Variants in PCDHGA8 observed in about 807,000 individuals in gnomAD.
PCDHGA8 encodes the protein protocadherin gamma-A8.
PCDHGA8 carries 45 observed loss-of-function variants against 59.2 expected under a neutral mutation model. The ratio of observed to expected loss-of-function variants is 0.76; its 90% CI spans 0.60 to 0.98. PCDHGA8 has a LOEUF of 0.98. PCDHGA8 is among the 50% of genes least tolerant of loss of function. The pLI is 0.00. For synonymous variants in PCDHGA8, 531 were observed against 519.0 expected (o/e 1.02, Z -0.32); for missense variants, 1,257 against 1,196.2 (o/e 1.05, Z -0.75).
At chr5:141,399,862 G>T in intron 1 of PCDHGA8, 1 of 1,612,900 alleles carries the variant, frequency 6.2e-7, no homozygotes, top group South Asian at 1.1e-5. Flanking sequence ...GCGCGCTGCA[G>T]AGCCCGGCTA....
intron 1 of PCDHGA8, chr5:141,429,251 A>C (rs2097199889): frequency 6.6e-6 from 1 of 151,884 alleles, no homozygotes; most frequent in Non-Finnish European, 1.5e-5. Context: ...GAGATATTTT[A>C]ATTGAGGAAT....
chr5:141,397,375 T>C (rs2093516481), intron 1 of PCDHGA8, among the ~76,000 whole-genome samples: 1 of 152,174 alleles, frequency 6.6e-6, no homozygotes, highest in South Asian at 2.1e-4. Context: ...TGTTTGGGGA[T>C]TGGTATAAAA....
rs369651266 is a variant in PCDHGA8 at position 141,394,617 on chromosome 5, G to T, written c.1804G>T (p.Ala602Ser). ...VAVDRDSGQNAWLSYRLLKAS... is the reference protein window; with the variant it reads ...VAVDRDSGQNSWLSYRLLKAS... ...GGTGGACAGAGACTCGGGCCAGAAC[G>T]CCTGGCTGTCCTACCGCCTGCTCAA... Residue 602 changes from alanine (A) to serine (S), a missense_variant, in exon 1 of 4, where the codon GCC becomes TCC. Ala to Ser is a moderately conservative substitution (Grantham distance 99, BLOSUM62 1). Coordinates refer to ENST00000398604, the MANE Select transcript of PCDHGA8 (RefSeq NM_032088.2). The T allele has an allele frequency of 8.1e-6, 13 of 1,613,372 alleles. No individual in the cohort carries two copies. The highest frequency in any genetic ancestry group is 1.1e-5 in the Non-Finnish European group (13 of 1,180,002).
intron 3 of PCDHGA8, among the ~76,000 whole-genome samples, chr5:141,508,624 G>A (rs552418899): frequency 3.3e-5 from 5 of 152,256 alleles, no homozygotes; most frequent in African/African-American, 9.6e-5. Context: ...TGGGTGGGCC[G>A]AGCTTCTAGC....
intron 1 of PCDHGA8, 124 bp from the exon 2 acceptor site, chr5:141,494,683 C>G: frequency 6.4e-7 from 1 of 1,569,074 alleles, no homozygotes; most frequent in Non-Finnish European, 8.7e-7. Context: ...CCCCTGCCCC[C>G]TCTTAGTCCG....
chr5:141,511,007 G>A lies in PCDHGA8; in HGVS notation c.2633G>A (p.Arg878His), dbSNP rs780918754. The change falls in exon 4 of 4, where the codon CGC becomes CAC. Residue 878 changes from arginine to histidine, a missense_variant. Physicochemically the swap from Arg to His is conservative, Grantham distance 29 (BLOSUM62 0). Transcript: ENST00000398604. ...GCCGGCACCATGGGATTGAGCGCCC[G>A]CTACGGACCCCAGTTCACCCTGCAG... is the stretch of plus-strand genomic sequence containing the variant. ...GGAGTMGLSA[R>H]YGPQFTLQHV... 1.9e-6 allele frequency: 3 copies of A among 1,614,158 alleles called. No individual in the cohort carries two copies. Among genetic ancestry groups the A allele is most frequent in the East Asian group, 4.5e-5 (2 of 44,890 alleles).
chr5:141,503,616 A>G (rs1260134621), intron 2 of PCDHGA8, among the ~76,000 whole-genome samples: 2 of 150,944 alleles, frequency 1.3e-5, no homozygotes, highest in African/African-American at 2.4e-5. Context: ...AAAAAAAAAG[A>G]AAAAAGAAAA....
At chr5:141,400,904 T>C (rs958521699) in intron 1 of PCDHGA8, among the ~76,000 whole-genome samples, 14 of 152,250 alleles carry the variant, frequency 9.2e-5, no homozygotes, top group African/African-American at 3.4e-4. Context: ...TAATTCATCT[T>C]TTAAAGCAAA....
At chr5:141,423,341 TC>T (rs767448191) in intron 1 of PCDHGA8, 181 of 1,614,176 alleles carry the variant, frequency 1.1e-4, no homozygotes, top group Admixed American at 2.7e-4. Context: ...TCCTGCATCT[TC>T]CTGGTCTTTG....
intron 1 of PCDHGA8, chr5:141,408,402 G>A: frequency 1.2e-6 from 2 of 1,614,052 alleles, no homozygotes; most frequent in Non-Finnish European, 1.7e-6. Context: ...CGCAAGCTGC[G>A]AGTGAGCGCG....
chr5:141,465,348 A>G (rs886810999), intron 1 of PCDHGA8, among the ~76,000 whole-genome samples: 2 of 152,158 alleles, frequency 1.3e-5, no homozygotes, highest in African/African-American at 4.8e-5. Flanking sequence ...GTTACTGAAG[A>G]AAAAATGGGT....
chr5:141,502,446 C>T (rs541278139), intron 2 of PCDHGA8, among the ~76,000 whole-genome samples: 1 of 152,098 alleles, frequency 6.6e-6, no homozygotes, highest in South Asian at 2.1e-4. Context: ...ATTCAGATTA[C>T]ACACCTTGGT....
chr5:141,424,692 T>C (rs910540428), intron 1 of PCDHGA8: 2 of 152,004 alleles, frequency 1.3e-5, no homozygotes, highest in African/African-American at 4.8e-5. Context: ...CTTCTGGCTA[T>C]TTTTTTGTTC....
chr5:141,487,022 A>T lies in PCDHGA8; in HGVS notation c.2425-7785A>T. ...TCAGCTCCTGGAGGCCCCAGATCCC[A>T]GCCTGTTTGCAGTCTCTCGATATGC... On this transcript the variant is annotated intron_variant, in intron 1 of 3. Coordinates refer to ENST00000398604, the MANE Select transcript of PCDHGA8 (RefSeq NM_032088.2). The surrounding 1 kb of genome is among the most constrained non-coding windows in gnomAD (Gnocchi z 5.0). The T allele has an allele frequency of 1.2e-6, 2 of 1,614,212 alleles. No homozygotes were observed. Among genetic ancestry groups the T allele is most frequent in the Non-Finnish European group, 1.7e-6 (2 of 1,180,048 alleles).
intron 1 of PCDHGA8, chr5:141,421,214 G>T (rs1469085534): frequency 5.1e-6 from 8 of 1,561,612 alleles, no homozygotes; most frequent in Non-Finnish European, 6.9e-6. Flanking sequence ...CGGAATATCG[G>T]CTTAGAGCCT....
At position 141,433,188 on chromosome 5, in the gene PCDHGA8, G is replaced by A. The variant is rs2097573612; in HGVS notation, c.2424+37951G>A. The A allele has an allele frequency of 2.5e-6, 4 of 1,583,816 alleles. No homozygotes were observed. The South Asian group carries it at 3.5e-5, about 14-fold the overall frequency. On this transcript the variant is annotated intron_variant, in intron 1 of 3. Coordinates refer to ENST00000398604, the MANE Select transcript of PCDHGA8 (RefSeq NM_032088.2). ...GACAGTCATGGGTTAATTGAGGTGA[G>A]TTTATATCAAATCTTCTTTCTTTTT...
chr5:141,397,012 A>C (rs944352237), intron 1 of PCDHGA8, among the ~76,000 whole-genome samples: 2 of 152,260 alleles, frequency 1.3e-5, no homozygotes, highest in African/African-American at 4.8e-5. Flanking sequence ...AATGGACTAA[A>C]GAAGGTTGAC....
chr5:141,394,324 A>G lies in PCDHGA8; in HGVS notation c.1511A>G (p.Tyr504Cys). The G allele has an allele frequency of 6.2e-7, 1 of 1,613,922 alleles. No individual in the cohort carries two copies. ...DTLQGAPLSS[Y>C]ISINSDTGVL... is the part of the protein sequence containing the mutation. ...CTGCAGGGGGCGCCCCTGTCCTCGT[A>G]TATCTCCATCAACTCTGACACCGGT... The change falls in exon 1 of 4, where the codon TAT (tyrosine) becomes TGT (cysteine). Residue 504 changes from tyrosine to cysteine, a missense_variant. Transcript: ENST00000398604.
chr5:141,450,702 G>T (rs1466981422), intron 1 of PCDHGA8, among the ~76,000 whole-genome samples: 6 of 152,026 alleles, frequency 3.9e-5, no homozygotes, highest in South Asian at 2.1e-4. Flanking sequence ...GCCCAGGATG[G>T]TCTCCAACTC....
Sources: allele counts gnomAD v4.1 joint callset (sites outside exome capture counted in the v4.1 genomes callset), GRCh38; gene constraint gnomAD v4.1.1; non-coding constraint Gnocchi (gnomAD v3.1); transcripts MANE v1.5; gene names NCBI Gene and HGNC (gene_info 2026-07-23, HGNC 2026-07-21).